TSPAN8: variants seen among roughly 807,000 people sequenced by gnomAD.
TSPAN8 encodes tetraspanin-8.
TSPAN8 carries 21 observed loss-of-function variants against 32.8 expected under a neutral mutation model. The observed-to-expected ratio is 0.64, with a 90% CI of 0.45 to 0.92. The LOEUF is 0.92. TSPAN8 is among the 40% of genes least tolerant of loss of function. TSPAN8 has a pLI of 0.00. For synonymous variants in TSPAN8, 95 were observed against 94.6 expected (o/e 1.00, Z -0.03); for missense variants, 269 against 281.9 (o/e 0.95, Z 0.33).
At chr12:71,139,926 A>C in intron 3 of TSPAN8, 78 bp from the exon 4 acceptor site, 1 of 1,438,806 alleles carries the variant, frequency 7.0e-7, no homozygotes, top group Non-Finnish European at 9.4e-7. Flanking sequence ...ATATCCATTG[A>C]GTGCCTCCTA....
chr12:71,149,067 C>T (rs1872161550), intron 2 of TSPAN8, among the ~76,000 whole-genome samples: 1 of 152,074 alleles, frequency 6.6e-6, no homozygotes, highest in South Asian at 2.1e-4. Context: ...AGGTCTTATG[C>T]TAAATTTCCT....
chr12:71,131,865 A>G (rs1421328606), intron 7 of TSPAN8, among the ~76,000 whole-genome samples: 2 of 151,850 alleles, frequency 1.3e-5, no homozygotes, highest in Admixed American at 6.6e-5. Context: ...TCTCTATCCA[A>G]GAGATACTAG....
intron 4 of TSPAN8, among the ~76,000 whole-genome samples, chr12:71,138,609 A>G (rs1262754741): frequency 6.6e-6 from 1 of 152,236 alleles, no homozygotes; most frequent in Non-Finnish European, 1.5e-5. Flanking sequence ...CAGCATCTCC[A>G]CTACATTCAG....
chr12:71,155,892 C>T (rs145830779), intron 2 of TSPAN8, among the ~76,000 whole-genome samples: 1,535 of 151,958 alleles, frequency 0.01, 14 homozygotes, highest in Non-Finnish European at 0.014. Context: ...CCACCATGCC[C>T]GGCTAATTTT....
At position 71,157,613 on chromosome 12, in the gene TSPAN8, A is replaced by C. The variant is rs1432858509; in HGVS notation, c.60+6T>G. 1 of 1,602,798 alleles carries C rather than the reference A, an allele frequency of 6.2e-7. No homozygotes were observed. On this transcript the variant is annotated splice_donor_region_variant and intron_variant, in intron 2 of 8. Coordinates refer to ENST00000247829, the MANE Select transcript of TSPAN8 (RefSeq NM_004616.3). The stretch of plus-strand genomic sequence containing the variant: ...TAAAATTGATAATTAAAAGGAAAAC[A>C]CTTACCCAGAACAAGAAGTTGAAGG...
intron 7 of TSPAN8, among the ~76,000 whole-genome samples, chr12:71,129,951 CTT>C (rs35715058): frequency 0.27 from 37,373 of 139,996 alleles, 5,158 homozygotes; most frequent in Non-Finnish European, 0.34. Flanking sequence ...TTCTTTCTTT[CTT>C]TTTTTTTTTT....
chr12:71,141,467 C>T (rs1003369781), intron 3 of TSPAN8, among the ~76,000 whole-genome samples: 5 of 152,174 alleles, frequency 3.3e-5, no homozygotes, highest in Non-Finnish European at 7.4e-5. Context: ...CAGGCAAACC[C>T]TATGAGAGGA....
At chr12:71,156,297 A>C (rs547309876) in intron 2 of TSPAN8, among the ~76,000 whole-genome samples, 15 of 150,918 alleles carry the variant, frequency 9.9e-5, no homozygotes, top group African/African-American at 2.7e-4. Context: ...GAAACAAAAC[A>C]AAACCAAAGA....
chr12:71,155,591 CA>C (rs1872400054), intron 2 of TSPAN8, among the ~76,000 whole-genome samples: 2 of 152,176 alleles, frequency 1.3e-5, no homozygotes, highest in South Asian at 4.1e-4. Context: ...CTGATTCTAA[CA>C]GGAACATTTA....
chr12:71,133,436 T>C (rs1417510297), intron 6 of TSPAN8, among the ~76,000 whole-genome samples: 1 of 152,228 alleles, frequency 6.6e-6, no homozygotes, highest in South Asian at 2.1e-4. Context: ...GTAATTTAGA[T>C]ATTGTCAAAA....
chr12:71,129,750 T>C (rs559126892), intron 7 of TSPAN8, among the ~76,000 whole-genome samples: 1 of 152,236 alleles, frequency 6.6e-6, no homozygotes, highest in South Asian at 2.1e-4. Context: ...ATTTTATAGC[T>C]GATAAAGCTA....
intron 8 of TSPAN8, among the ~76,000 whole-genome samples, chr12:71,128,633 T>A (rs1871416242): frequency 6.8e-6 from 1 of 146,908 alleles, no homozygotes. Flanking sequence ...GTGAAAAGTA[T>A]CTTTCAGGTT....
Position 71,125,391 on chromosome 12 carries a change from G to T in TSPAN8, c.661-4C>A, listed in dbSNP as rs751615396. Reference sequence around the variant, plus strand: ...TAGAAAACACCAAACCCAGTATCTAGAGAACAAAATAACAGGATTAACATG... The same window carrying T: ...TAGAAAACACCAAACCCAGTATCTATAGAACAAAATAACAGGATTAACATG... On this transcript the variant is annotated splice_region_variant and splice_polypyrimidine_tract_variant and intron_variant, in intron 8 of 8. Coordinates refer to ENST00000247829, the MANE Select transcript of TSPAN8 (RefSeq NM_004616.3). 1.2e-6 allele frequency: 2 copies of T among 1,609,938 alleles called. No individual in the cohort carries two copies. The highest frequency in any genetic ancestry group is 1.7e-6 in the Non-Finnish European group (2 of 1,178,498).
chr12:71,134,470 C>A (rs776710678), intron 6 of TSPAN8, among the ~76,000 whole-genome samples: 7 of 152,130 alleles, frequency 4.6e-5, no homozygotes, highest in Admixed American at 4.6e-4. Context: ...GAGGCAGATA[C>A]GAAGTCTTGT....
chr12:71,140,096 G>A (rs764438521), intron 3 of TSPAN8, among the ~76,000 whole-genome samples: 231 of 152,040 alleles, frequency 1.5e-3, no homozygotes, highest in Non-Finnish European at 2.4e-3. Flanking sequence ...TTTTTAAACC[G>A]TATTTTTAAA....
At chr12:71,148,412 T>G (rs1592409022) in intron 2 of TSPAN8, among the ~76,000 whole-genome samples, 1 of 152,236 alleles carries the variant, frequency 6.6e-6, no homozygotes, top group African/African-American at 2.4e-5. Flanking sequence ...TTTTCTTTTT[T>G]GTCAGTTGTA....
intron 3 of TSPAN8, among the ~76,000 whole-genome samples, chr12:71,143,428 A>G (rs1871972337): frequency 6.6e-6 from 1 of 152,176 alleles, no homozygotes; most frequent in African/African-American, 2.4e-5. Flanking sequence ...CTGGAGCCAG[A>G]ATTAACCATA....
chr12:71,142,367 A>G (rs1363667996), intron 3 of TSPAN8, among the ~76,000 whole-genome samples: 3 of 152,224 alleles, frequency 2.0e-5, no homozygotes, highest in African/African-American at 7.2e-5. Flanking sequence ...CAATTTTTTA[A>G]CAGACTAAAC....
intron 6 of TSPAN8, among the ~76,000 whole-genome samples, chr12:71,135,283 A>G (rs12832027): frequency 9.8e-6 from 1 of 102,522 alleles, no homozygotes; most frequent in Non-Finnish European, 2.2e-5. Context: ...AGAAGGAAGA[A>G]GAAGAAGAAG....
Sources: allele counts gnomAD v4.1 joint callset (sites outside exome capture counted in the v4.1 genomes callset), GRCh38; gene constraint gnomAD v4.1.1; transcripts MANE v1.5; gene names NCBI Gene and HGNC (gene_info 2026-07-23, HGNC 2026-07-21).